Variants in ARHGEF18 observed in about 807,000 individuals in gnomAD.
The protein encoded by ARHGEF18 is rho guanine nucleotide exchange factor 18.
In ARHGEF18, 93 loss-of-function variants were observed where a neutral mutation model predicts 155.7. The ratio of observed to expected loss-of-function variants is 0.60; its 90% CI spans 0.50 to 0.71. The LOEUF is 0.71. Among genes scored for constraint, ARHGEF18 ranks in the 30% least tolerant of loss-of-function variants. The pLI is 0.00. For synonymous variants in ARHGEF18, 742 were observed against 753.1 expected (o/e 0.99, Z 0.24); for missense variants, 1,593 against 1,816.1 (o/e 0.88, Z 2.23).
intron 10 of ARHGEF18, among the ~76,000 whole-genome samples, chr19:7,417,517 G>T (rs1015079261): frequency 1.4e-4 from 22 of 152,130 alleles, no homozygotes; most frequent in Non-Finnish European, 2.9e-4. Flanking sequence ...GGCCAACATG[G>T]CAAAACCCCA....
chr19:7,451,001 T>C lies in ARHGEF18; in HGVS notation c.1738-148T>C. 4.0e-6 allele frequency: 3 copies of C among 749,618 alleles called. No homozygotes were observed. In the South Asian group the frequency reaches 4.9e-5, roughly 12 times the overall value. 46.4% of individuals were successfully genotyped at this position (749,618 alleles called of 1,614,324 possible). On this transcript the variant is annotated intron_variant, in intron 15 of 28. Coordinates refer to ENST00000668164, the MANE Select transcript of ARHGEF18 (RefSeq NM_001367823.1). ...GAGATGTTAATGCAGGATCTTGCTG[T>C]CCATTTCCGAGATGTTAATATGGGA...
chr19:7,473,449 A>G (rs1397751645), downstream of ARHGEF18: 1 of 373,388 alleles, frequency 2.7e-6, no homozygotes, highest in South Asian at 2.0e-5. Context: ...GCAGGAGGAT[A>G]GCTTGAGCCC....
chr19:7,375,953 G>C (rs1210191987), intron 4 of ARHGEF18, 83 bp downstream of exon 4: 2 of 1,226,964 alleles, frequency 1.6e-6, no homozygotes, highest in African/African-American at 1.6e-5. Context: ...GGAGAGACTT[G>C]CCAGGGCTGG....
At chr19:7,439,069 A>G (rs1974457243) in intron 10 of ARHGEF18, among the ~76,000 whole-genome samples, 1 of 151,312 alleles carries the variant, frequency 6.6e-6, no homozygotes, top group Admixed American at 6.6e-5. Context: ...TATTTTTTTT[A>G]AGTAGAGACG....
intron 10 of ARHGEF18, among the ~76,000 whole-genome samples, chr19:7,429,266 G>A (rs910645923): frequency 9.2e-5 from 14 of 152,284 alleles, no homozygotes; most frequent in Middle Eastern, 3.4e-3. Context: ...CACCCACGGC[G>A]ATCTCAGCCT....
At chr19:7,369,779 A>ACT (rs1463608425) in intron 2 of ARHGEF18, among the ~76,000 whole-genome samples, 16 of 152,320 alleles carry the variant, frequency 1.1e-4, no homozygotes, top group African/African-American at 3.8e-4. Flanking sequence ...CCTGGGCGAC[A>ACT]GAGTGAGACT....
rs551681922 is a variant in ARHGEF18 at position 7,469,929 on chromosome 19, G to A, written c.3813G>A (p.Leu1271=). ...SSASFDLKQQ[L]LLNKLMGKDE... is the part of the protein sequence containing the mutation. Reference sequence around the variant, plus strand: ...CGTCCTTCGACCTGAAGCAGCAGCTGCTGCTCAACAAGCTCATGGGGAAAG... The same window carrying A: ...CGTCCTTCGACCTGAAGCAGCAGCTACTGCTCAACAAGCTCATGGGGAAAG... The change falls in exon 28 of 29, where the codon CTG becomes CTA. Residue 1271 remains leucine, a synonymous_variant. Coordinates refer to ENST00000668164, the MANE Select transcript of ARHGEF18 (RefSeq NM_001367823.1). 3 of 1,613,016 alleles carry A rather than the reference G, an allele frequency of 1.9e-6. No homozygotes were observed. The highest frequency in any genetic ancestry group is 2.5e-6 in the Non-Finnish European group (3 of 1,179,868).
Position 7,469,801 on chromosome 19 carries a change from T to C in ARHGEF18, c.3788-103T>C, listed in dbSNP as rs1976902231. ...CGGGATCCAGGCCGCCCGTGGGAAG[T>C]GTCAGGTGGGGGTGGCCAGGCCCCT... is the stretch of plus-strand genomic sequence containing the variant. On this transcript the variant is annotated intron_variant, in intron 27 of 28. Transcript: ENST00000668164. The C allele has an allele frequency of 8.6e-6, 12 of 1,401,630 alleles. No homozygotes were observed. The Admixed American group carries it at 2.6e-4, about 30-fold the overall frequency. 86.8% of individuals were successfully genotyped at this position (1,401,630 alleles called of 1,614,324 possible).
intron 20 of ARHGEF18, among the ~76,000 whole-genome samples, chr19:7,460,265 C>T (rs1042767754): frequency 6.6e-6 from 1 of 152,088 alleles, no homozygotes; most frequent in African/African-American, 2.4e-5. Context: ...CACACAGCCA[C>T]ACACGCCACC....
intron 10 of ARHGEF18, among the ~76,000 whole-genome samples, chr19:7,415,015 T>C (rs1972918534): frequency 6.6e-6 from 1 of 151,784 alleles, no homozygotes; most frequent in South Asian, 2.1e-4. Context: ...AGTAAATAAA[T>C]AAATAAAATA....
intron 15 of ARHGEF18, among the ~76,000 whole-genome samples, chr19:7,448,635 T>C (rs1333265090): frequency 6.7e-6 from 1 of 150,288 alleles, no homozygotes; most frequent in Non-Finnish European, 1.5e-5. Flanking sequence ...CACTCCAGCC[T>C]GGGCAACAAG....
intron 1 of ARHGEF18, among the ~76,000 whole-genome samples, chr19:7,352,754 C>T (rs1969189146): frequency 6.7e-6 from 1 of 149,654 alleles, no homozygotes; most frequent in Non-Finnish European, 1.5e-5. Context: ...AGGATGGTCT[C>T]GATCTCCTGA....
At chr19:7,424,068 AG>A (rs924079028) in intron 10 of ARHGEF18, among the ~76,000 whole-genome samples, 1 of 105,884 alleles carries the variant, frequency 9.4e-6, no homozygotes, top group African/African-American at 3.1e-5. Context: ...ATTTTTGCCC[AG>A]GCTGGACAGT....
chr19:7,397,732 CAA>C (rs528314433), intron 10 of ARHGEF18, among the ~76,000 whole-genome samples: 2 of 130,892 alleles, frequency 1.5e-5, no homozygotes, highest in South Asian at 2.4e-4. Context: ...GATTCCATCT[CAA>C]AAAAAAAAAA....
At position 7,463,177 on chromosome 19, in the gene ARHGEF18, G is replaced by C. The variant is rs1317949454; in HGVS notation, c.2636-641G>C. Reference sequence around the variant, plus strand: ...AGTGAGGGAAGCCGACTCAGCCCCTGCCTTCCAGAGCCTTTCCGCAGAATA... The same window carrying C: ...AGTGAGGGAAGCCGACTCAGCCCCTCCCTTCCAGAGCCTTTCCGCAGAATA... On this transcript the variant is annotated intron_variant, in intron 21 of 28. Coordinates refer to ENST00000668164, the MANE Select transcript of ARHGEF18 (RefSeq NM_001367823.1). The surrounding 1 kb of genome is among the most constrained non-coding windows in gnomAD (Gnocchi z 5.2). Among the ~76,000 whole-genome samples the C allele has an allele frequency of 6.6e-6, 1 of 152,134 alleles. No individual in the cohort carries two copies. The highest frequency in any genetic ancestry group is 1.9e-4 in the East Asian group (1 of 5,184).
the ARHGEF18 span, among the ~76,000 whole-genome samples, chr19:7,479,798 C>G: frequency 1.6e-4 from 24 of 152,346 alleles, no homozygotes; most frequent in African/African-American, 5.3e-4. Context: ...CTAGCGTGAA[C>G]CCTAACGTGA....
At chr19:7,422,778 G>A (rs191359809) in intron 10 of ARHGEF18, among the ~76,000 whole-genome samples, 1 of 147,904 alleles carries the variant, frequency 6.8e-6, no homozygotes, top group Admixed American at 6.8e-5. Context: ...GAGTGCAGTG[G>A]CAGGATCTCG....
At chr19:7,409,731 C>T (rs1460996533) in intron 10 of ARHGEF18, among the ~76,000 whole-genome samples, 1 of 150,412 alleles carries the variant, frequency 6.6e-6, no homozygotes, top group Non-Finnish European at 1.5e-5. Context: ...CGTGAGCCAT[C>T]GCGCCTGGCC....
At chr19:7,380,856 G>A (rs1970701128) in intron 7 of ARHGEF18, 61 bp from the exon 8 acceptor site, 3 of 1,110,280 alleles carry the variant, frequency 2.7e-6, no homozygotes, top group Non-Finnish European at 3.4e-6. Flanking sequence ...CGGTAGCACT[G>A]GGGTAGGTGA....
Sources: allele counts gnomAD v4.1 joint callset (sites outside exome capture counted in the v4.1 genomes callset), GRCh38; gene constraint gnomAD v4.1.1; non-coding constraint Gnocchi (gnomAD v3.1); transcripts MANE v1.5; gene names NCBI Gene and HGNC (gene_info 2026-07-23, HGNC 2026-07-21).